Variants in DTWD2 observed in about 807,000 individuals in gnomAD.
DTWD2 encodes the protein tRNA-uridine aminocarboxypropyltransferase 2.
A neutral mutation model predicts 31.8 loss-of-function variants in DTWD2; 39 were observed. That is an observed-to-expected ratio of 1.22 (90% confidence interval 0.95 to 1.60). The LOEUF (loss-of-function observed/expected upper bound fraction) is 1.60, where lower values mean the gene tolerates loss of function less well. Among genes scored for constraint, DTWD2 ranks in the 40% most tolerant of loss-of-function variants. The probability of loss-of-function intolerance (pLI) is 0.00; values close to 1 mark genes in which losing one functional copy is unlikely to be tolerated. For synonymous variants in DTWD2, 180 were observed against 142.8 expected (o/e 1.26, Z -1.86); for missense variants, 515 against 381.5 (o/e 1.35, Z -2.92).
chr5:118,957,851 TCCATTATACTATCATTA>T (rs1401511744), intron 1 of DTWD2, among the ~76,000 whole-genome samples: 1 of 152,188 alleles, frequency 6.6e-6, no homozygotes, highest in Non-Finnish European at 1.5e-5. Context: ...ATAGTGAGAC[TCCATTATACTATCATTA>T]CTGACCAAAA....
At chr5:118,890,981 C>A (rs1413084842) in intron 4 of DTWD2, among the ~76,000 whole-genome samples, 6 of 151,226 alleles carry the variant, frequency 4.0e-5, no homozygotes, top group African/African-American at 1.5e-4. Context: ...AAGAATAGAG[C>A]AGGAATATGA....
At chr5:118,971,792 T>C (rs1163961697) in intron 1 of DTWD2, among the ~76,000 whole-genome samples, 1 of 152,124 alleles carries the variant, frequency 6.6e-6, no homozygotes, top group African/African-American at 2.4e-5. Context: ...CAGACCACAG[T>C]GCAATCAAAT....
At chr5:118,893,203 T>A (rs1413890385) in intron 4 of DTWD2, among the ~76,000 whole-genome samples, 1 of 151,806 alleles carries the variant, frequency 6.6e-6, no homozygotes, top group African/African-American at 2.4e-5. Flanking sequence ...GGTGAAACCC[T>A]GTCTCTACTA....
chr5:118,986,062 G>C (rs966466284), intron 1 of DTWD2, among the ~76,000 whole-genome samples: 1 of 152,114 alleles, frequency 6.6e-6, no homozygotes, highest in African/African-American at 2.4e-5. Flanking sequence ...TTGAACAACT[G>C]AATTTTACCA....
chr5:118,845,695 T>A (rs932411545), intron 5 of DTWD2, among the ~76,000 whole-genome samples: 4 of 152,188 alleles, frequency 2.6e-5, no homozygotes, highest in Non-Finnish European at 4.4e-5. Flanking sequence ...ACTTTGGGAC[T>A]TTATGTTTAA....
chr5:118,921,124 A>C (rs1753693230), intron 4 of DTWD2, among the ~76,000 whole-genome samples: 1 of 152,220 alleles, frequency 6.6e-6, no homozygotes, highest in Non-Finnish European at 1.5e-5. Flanking sequence ...CTATTTGTAA[A>C]TACTATCTAC....
Position 118,839,006 on chromosome 5 carries a change from C to T in DTWD2, c.*1911G>A, listed in dbSNP as rs1751641801. 2.0e-5 allele frequency: 3 copies of T among 151,898 alleles called. No individual in the cohort carries two copies. The highest frequency in any genetic ancestry group is 4.8e-5 in the African/African-American group (2 of 41,346). The allele number at this position is 151,898 out of a possible 1,614,324, so 9.4% of individuals were successfully genotyped here. Reference sequence around the variant, plus strand: ...TGAAACCCCATCTCTACTAAAAATACAAAAAATTAGCCGGGCGTGGTGGTG... The same window carrying T: ...TGAAACCCCATCTCTACTAAAAATATAAAAAATTAGCCGGGCGTGGTGGTG... On this transcript the variant is annotated 3_prime_UTR_variant, in exon 6 of 6. Coordinates refer to ENST00000510708, the MANE Select transcript of DTWD2 (RefSeq NM_173666.4).
At chr5:118,902,483 C>G (rs879906776) in intron 4 of DTWD2, among the ~76,000 whole-genome samples, 2 of 152,044 alleles carry the variant, frequency 1.3e-5, no homozygotes, top group Non-Finnish European at 2.9e-5. Context: ...CTTCAGATAA[C>G]AGAATCTTTA....
chr5:118,845,999 G>C (rs1037108980), intron 5 of DTWD2, among the ~76,000 whole-genome samples: 1 of 152,002 alleles, frequency 6.6e-6, no homozygotes, highest in African/African-American at 2.4e-5. Context: ...ATGGAGAAGA[G>C]GCCCTAAAAC....
chr5:118,853,970 A>G (rs1384786309), intron 4 of DTWD2, among the ~76,000 whole-genome samples: 1 of 152,212 alleles, frequency 6.6e-6, no homozygotes, highest in Non-Finnish European at 1.5e-5. Context: ...AAGGTTAAGC[A>G]TTTGTGTTAA....
intron 4 of DTWD2, among the ~76,000 whole-genome samples, chr5:118,856,275 T>C (rs1251348227): frequency 6.6e-6 from 1 of 152,234 alleles, no homozygotes; most frequent in African/African-American, 2.4e-5. Flanking sequence ...TATTCTTCTA[T>C]AACTTGTCTT....
chr5:118,843,310 G>A (rs1449348409), intron 5 of DTWD2, among the ~76,000 whole-genome samples: 4 of 151,616 alleles, frequency 2.6e-5, no homozygotes, highest in Non-Finnish European at 5.9e-5. Flanking sequence ...GAAGGGAAAG[G>A]GAAGGGAAAA....
chr5:118,964,582 G>A (rs984705710), intron 1 of DTWD2, among the ~76,000 whole-genome samples: 36 of 152,348 alleles, frequency 2.4e-4, no homozygotes, highest in African/African-American at 7.7e-4. Context: ...TGCGATTGCA[G>A]GCGCGTGCCG....
At chr5:118,977,090 A>T (rs1376253054) in intron 1 of DTWD2, among the ~76,000 whole-genome samples, 3 of 151,178 alleles carry the variant, frequency 2.0e-5, no homozygotes, top group African/African-American at 7.4e-5. Flanking sequence ...CAAAAACCAC[A>T]TGATTATCTC....
chr5:118,973,679 G>T (rs543271619), intron 1 of DTWD2: 314 of 1,203,150 alleles, frequency 2.6e-4, no homozygotes, highest in South Asian at 7.4e-4. Context: ...GCTCGCCGCA[G>T]CCGCCTCCGC....
intron 4 of DTWD2, among the ~76,000 whole-genome samples, chr5:118,854,947 G>C (rs1752095572): frequency 6.6e-6 from 1 of 151,894 alleles, no homozygotes; most frequent in African/African-American, 2.4e-5. Flanking sequence ...AATCTCAGCA[G>C]CAGGAGGCCG....
At chr5:118,861,674 A>AAAAGAGACTGGGATAAGGCAG (rs1752262760) in intron 4 of DTWD2, among the ~76,000 whole-genome samples, 1 of 152,178 alleles carries the variant, frequency 6.6e-6, no homozygotes, top group Non-Finnish European at 1.5e-5. Context: ...TGGTACCTAG[A>AAAAGAGACTGGGATAAGGCAG]AAAGAGACTG....
chr5:118,923,332 C>T (rs565703083), intron 4 of DTWD2, among the ~76,000 whole-genome samples: 9 of 152,306 alleles, frequency 5.9e-5, no homozygotes, highest in African/African-American at 2.2e-4. Context: ...TGATCCACAG[C>T]TACTAACATT....
chr5:118,840,452 T>A lies in DTWD2; in HGVS notation c.*465A>T, dbSNP rs1751683987. ...TTATACTATTTTACAAAATAATAAA[T>A]TACTTGATTATCATAATTTTCTTTT... On this transcript the variant is annotated 3_prime_UTR_variant, in exon 6 of 6. Transcript: ENST00000510708. 6.6e-6 allele frequency: 1 copy of A among 152,252 alleles called. No homozygotes were observed. Among genetic ancestry groups the A allele is most frequent in the South Asian group, 2.1e-4 (1 of 4,834 alleles). 9.4% of individuals were successfully genotyped at this position (152,252 alleles called of 1,614,324 possible).
Sources: allele counts gnomAD v4.1 joint callset (sites outside exome capture counted in the v4.1 genomes callset), GRCh38; gene constraint gnomAD v4.1.1; transcripts MANE v1.5; gene names NCBI Gene and HGNC (gene_info 2026-07-23, HGNC 2026-07-21).